GPR174: variants seen among roughly 807,000 people sequenced by gnomAD.
GPR174 encodes probable G protein-coupled receptor 174.
A neutral mutation model predicts 16.5 loss-of-function variants in GPR174; 8 were observed. That is an observed-to-expected ratio of 0.48 (90% CI 0.28 to 0.87). The LOEUF (loss-of-function observed/expected upper bound fraction) is 0.87. GPR174 is among the 40% of genes least tolerant of loss of function. The pLI, the probability that GPR174 is intolerant of heterozygous loss-of-function variation, is 0.09. For missense variants in GPR174, 214 were observed against 247.5 expected, an observed-to-expected ratio of 0.86 and a Z score of 0.91; for synonymous variants, 111 against 94.8, an observed-to-expected ratio of 1.17 and a Z score of -0.99.
At chrX:79,161,898 C>T (rs970055267) in intron 2 of GPR174, among the ~76,000 whole-genome samples, 4 of 111,269 alleles carry the variant, frequency 3.6e-5, no homozygotes, top group Non-Finnish European at 5.7e-5. Context: ...CATTCTGGTG[C>T]GTGTGTGTGG....
chrX:79,161,467 A>G (rs1350775660), intron 2 of GPR174, among the ~76,000 whole-genome samples: 1 of 112,274 alleles, frequency 8.9e-6, no homozygotes, highest in African/African-American at 3.2e-5. Flanking sequence ...GTTTAGAAAT[A>G]CTTTCTCTGT....
At position 79,172,475 on chromosome X, in the gene GPR174, G is replaced by T. The variant is rs890933688; in HGVS notation, c.*466G>T. The T allele has an allele frequency of 2.6e-5, 3 of 117,428 alleles. No individual in the cohort carries two copies. The highest frequency in any genetic ancestry group is 9.7e-5 in the African/African-American group (3 of 30,921). The allele number at this position is 117,428 out of a possible 1,213,427, so 9.7% of individuals were successfully genotyped here. Reference sequence around the variant, plus strand: ...TGTTTGGTTATATTTTAGTGGGATAGATGATATATTACCCTGTGTAAAGAA... The same window carrying T: ...TGTTTGGTTATATTTTAGTGGGATATATGATATATTACCCTGTGTAAAGAA... On this transcript the variant is annotated 3_prime_UTR_variant, in exon 3 of 3. Transcript: ENST00000645147.
chrX:79,152,505 C>A (rs1484727270), intron 1 of GPR174, among the ~76,000 whole-genome samples: 1 of 111,516 alleles, frequency 9.0e-6, no homozygotes, highest in Admixed American at 9.5e-5. Context: ...AACAAAAACA[C>A]AATAACAAAG....
Position 79,173,114 on chromosome X carries a change from G to A in GPR174, c.*1105G>A, listed in dbSNP as rs997974358. On this transcript the variant is annotated 3_prime_UTR_variant, in exon 3 of 3. Coordinates refer to ENST00000645147, the MANE Select transcript of GPR174 (RefSeq NM_032553.3). ...AAGTTACTTACACAAGCCAGAGTAA[G>A]TCTCTCTGCCCCATCATTGCATACA... The A allele has an allele frequency of 7.1e-5, 8 of 111,921 alleles. No individual in the cohort carries two copies. The Admixed American group carries it at 7.6e-4, about 11-fold the overall frequency. The allele number at this position is 111,921 out of a possible 1,213,427, so 9.2% of individuals were successfully genotyped here. A position where few individuals can be genotyped will look rare whatever the true frequency, so the allele number is the denominator to read the frequency against.
At chrX:79,169,810 T>G (rs959573172) in intron 2 of GPR174, among the ~76,000 whole-genome samples, 2 of 111,835 alleles carry the variant, frequency 1.8e-5, no homozygotes, top group Non-Finnish European at 3.8e-5. Context: ...CTCAGGTAAC[T>G]AAGAGGTGAC....
intron 1 of GPR174, among the ~76,000 whole-genome samples, chrX:79,146,101 T>G (rs1666653376): frequency 8.9e-6 from 1 of 111,818 alleles, no homozygotes; most frequent in African/African-American, 3.2e-5. Flanking sequence ...CTTTTGACTT[T>G]AAACCATATG....
intron 1 of GPR174, among the ~76,000 whole-genome samples, chrX:79,149,527 A>C (rs1156750225): frequency 8.9e-6 from 1 of 112,141 alleles, no homozygotes; most frequent in Non-Finnish European, 1.9e-5. Flanking sequence ...GTCACAGTGC[A>C]TATCAAGACA....
chrX:79,165,409 C>T (rs1921335937), intron 2 of GPR174, among the ~76,000 whole-genome samples: 2 of 110,425 alleles, frequency 1.8e-5, no homozygotes, highest in African/African-American at 6.6e-5. Flanking sequence ...CAGAAATTCT[C>T]AGTTTGTGTG....
intron 2 of GPR174, 24 bp downstream of exon 2, chrX:79,156,942 C>A (rs1921113061): frequency 8.9e-6 from 1 of 112,120 alleles, no homozygotes; most frequent in Admixed American, 9.4e-5. Flanking sequence ...GTCTTGACTT[C>A]TATTTCTGCA....
At chrX:79,159,470 AT>A (rs1175588488) in intron 2 of GPR174, among the ~76,000 whole-genome samples, 2 of 112,361 alleles carry the variant, frequency 1.8e-5, no homozygotes, top group African/African-American at 6.5e-5. Context: ...GAATTAGTTT[AT>A]TTTATATATT....
chrX:79,166,602 C>T (rs759800582), intron 2 of GPR174, among the ~76,000 whole-genome samples: 20 of 108,218 alleles, frequency 1.8e-4, no homozygotes, highest in African/African-American at 6.7e-4. Context: ...CCACACCCAG[C>T]TAACTTTTGT....
At chrX:79,169,010 A>G (rs987976169) in intron 2 of GPR174, among the ~76,000 whole-genome samples, 2 of 111,638 alleles carry the variant, frequency 1.8e-5, no homozygotes, top group Non-Finnish European at 3.8e-5. Context: ...AAAGCTTCAG[A>G]TTTGGATGAA....
chrX:79,151,599 G>A (rs941148388), intron 1 of GPR174, among the ~76,000 whole-genome samples: 2 of 111,644 alleles, frequency 1.8e-5, no homozygotes, highest in African/African-American at 6.5e-5. Context: ...AGAATCAAGA[G>A]AGTTGGTAAT....
intron 2 of GPR174, among the ~76,000 whole-genome samples, chrX:79,166,256 C>T (rs751889733): frequency 9.0e-6 from 1 of 110,646 alleles, no homozygotes; most frequent in East Asian, 2.8e-4. Flanking sequence ...TAGTATCCAT[C>T]AAAAGTGATT....
chrX:79,146,932 C>T (rs1442671824), intron 1 of GPR174, among the ~76,000 whole-genome samples: 1 of 111,280 alleles, frequency 9.0e-6, no homozygotes, highest in East Asian at 2.8e-4. Flanking sequence ...TGATCTCCAC[C>T]CAATCCTGAT....
intron 2 of GPR174, among the ~76,000 whole-genome samples, chrX:79,168,656 G>A (rs1171172177): frequency 1.8e-5 from 2 of 110,090 alleles, no homozygotes; most frequent in African/African-American, 6.6e-5. Flanking sequence ...AGTTAGGATC[G>A]TGTATCTGCA....
chrX:79,166,325 G>T (rs190578324), intron 2 of GPR174, among the ~76,000 whole-genome samples: 2 of 107,482 alleles, frequency 1.9e-5, no homozygotes, highest in African/African-American at 6.8e-5. Flanking sequence ...AAACCACTAT[G>T]AATCACAAGT....
rs758985534 is a variant in GPR174 at position 79,157,995 on chromosome X, G to A, written c.-557+1077G>A. On this transcript the variant is annotated intron_variant, in intron 2 of 2. Transcript: ENST00000645147. ...TACCAGCTAATAAAACTCCTGTAGCGCACATATCCCCTTCATGTGTAACCC... is the reference window on the plus strand; with the variant it reads ...TACCAGCTAATAAAACTCCTGTAGCACACATATCCCCTTCATGTGTAACCC... Among the ~76,000 whole-genome samples, 8 of 107,754 alleles carry A rather than the reference G, an allele frequency of 7.4e-5. No individual in the cohort carries two copies. In the East Asian group the frequency reaches 8.9e-4, roughly 12 times the overall value. The allele number at this position is 107,754 out of a possible 115,157, so 93.6% of individuals were successfully genotyped here. A position where few individuals can be genotyped will look rare whatever the true frequency, so the allele number is the denominator to read the frequency against.
rs1054427047 is a variant in GPR174, at chrX:79,151,972, T to C, written c.-653-4850T>C. On this transcript the variant is annotated intron_variant, in intron 1 of 2. Transcript: ENST00000645147. ...CTGACATAATGTAAAAAGAAAATCA[T>C]ATTAAAATTTTTGCTTTATTCTACA... Among the ~76,000 whole-genome samples, 15 of 111,909 alleles carry C rather than the reference T, an allele frequency of 1.3e-4. 1 individual carries two copies. Among genetic ancestry groups the C allele is most frequent in the Admixed American group, 1.3e-3 (14 of 10,567 alleles).
Sources: gnomAD v4.1 joint callset for allele counts (sites outside exome capture counted in the v4.1 genomes callset) on GRCh38, gnomAD v4.1.1 for gene constraint, MANE v1.5 for transcripts, NCBI Gene and HGNC (gene_info 2026-07-23, HGNC 2026-07-21) for gene names.